Variants in CNTNAP2 observed in about 807,000 individuals in gnomAD.
CNTNAP2 encodes contactin associated protein 2.
Under a neutral mutation model 155.2 loss-of-function variants are expected in CNTNAP2, and 98 were observed. The observed-to-expected ratio is 0.63, with a 90% CI of 0.54 to 0.75. The LOEUF (loss-of-function observed/expected upper bound fraction) is 0.75. CNTNAP2 is among the 30% of genes least tolerant of loss of function. The pLI, the probability that CNTNAP2 is intolerant of heterozygous loss-of-function variation, is 0.00. For missense variants in CNTNAP2, 1,727 were observed against 1,688.1 expected, an observed-to-expected ratio of 1.02 and a Z score of -0.40; for synonymous variants, 651 against 631.2, an observed-to-expected ratio of 1.03 and a Z score of -0.47.
chr7:146,856,585 A>G (rs1562975248), intron 3 of CNTNAP2, among the ~76,000 whole-genome samples: 3 of 152,182 alleles, frequency 2.0e-5, no homozygotes, highest in Non-Finnish European at 4.4e-5. Flanking sequence ...CTTACAAATC[A>G]CTTATTAGTT....
intron 1 of CNTNAP2, among the ~76,000 whole-genome samples, chr7:146,771,840 TGAGA>T (rs760070894): frequency 1.3e-5 from 2 of 152,156 alleles, no homozygotes; most frequent in Non-Finnish European, 1.5e-5. Flanking sequence ...CTTATAAATT[TGAGA>T]GAGAAACATT....
intron 8 of CNTNAP2, among the ~76,000 whole-genome samples, chr7:147,136,950 A>C (rs1801493405): frequency 6.6e-6 from 1 of 151,896 alleles, no homozygotes; most frequent in South Asian, 2.1e-4. Flanking sequence ...TTGTTTTATT[A>C]TGTTTTACAG....
At chr7:146,929,803 A>C (rs1363725004) in intron 3 of CNTNAP2, among the ~76,000 whole-genome samples, 1 of 152,262 alleles carries the variant, frequency 6.6e-6, no homozygotes, top group African/African-American at 2.4e-5. Context: ...CAGAAGCCTC[A>C]GGAGCCAATG....
At chr7:148,311,532 GATC>G (rs1217495741) in intron 21 of CNTNAP2, among the ~76,000 whole-genome samples, 1 of 152,146 alleles carries the variant, frequency 6.6e-6, no homozygotes, top group Non-Finnish European at 1.5e-5. Flanking sequence ...TGCCAGCAAA[GATC>G]ATCTATCCAC....
chr7:148,223,980 A>T (rs906686812), intron 19 of CNTNAP2, among the ~76,000 whole-genome samples: 11 of 152,092 alleles, frequency 7.2e-5, no homozygotes, highest in African/African-American at 2.7e-4. Context: ...AGCCACACAC[A>T]TATTGCCTGA....
At chr7:147,302,534 T>A (rs1443003591) in intron 9 of CNTNAP2, among the ~76,000 whole-genome samples, 4 of 152,246 alleles carry the variant, frequency 2.6e-5, no homozygotes, top group African/African-American at 9.6e-5. Context: ...ATATCGTCAT[T>A]AGCTGAATCC....
At chr7:146,825,505 T>G (rs2129197359) in intron 2 of CNTNAP2, among the ~76,000 whole-genome samples, 1 of 152,246 alleles carries the variant, frequency 6.6e-6, no homozygotes, top group Admixed American at 6.5e-5. Context: ...CTTAAAGAAT[T>G]TGTTTACTAT....
At chr7:148,263,724 G>A (rs1404917230) in intron 20 of CNTNAP2, among the ~76,000 whole-genome samples, 1 of 145,216 alleles carries the variant, frequency 6.9e-6, no homozygotes, top group African/African-American at 2.7e-5. Context: ...GCGACAGAGC[G>A]AGACTCAGTC....
intron 1 of CNTNAP2, among the ~76,000 whole-genome samples, chr7:146,582,608 A>G (rs970252379): frequency 1.3e-5 from 2 of 152,184 alleles, no homozygotes; most frequent in African/African-American, 4.8e-5. Context: ...GGTTTTTCAC[A>G]TGGACAACTC....
chr7:147,174,123 CT>C (rs1002483512), intron 8 of CNTNAP2, among the ~76,000 whole-genome samples: 12 of 152,072 alleles, frequency 7.9e-5, no homozygotes, highest in African/African-American at 2.9e-4. Context: ...TGATAGCCTC[CT>C]TTTTCATATT....
At chr7:146,687,042 G>T (rs1260061773) in intron 1 of CNTNAP2, among the ~76,000 whole-genome samples, 1 of 152,106 alleles carries the variant, frequency 6.6e-6, no homozygotes, top group Non-Finnish European at 1.5e-5. Flanking sequence ...TCTGAGCGAG[G>T]TGCATGAGGT....
At chr7:146,380,609 A>G (rs1795367360) in intron 1 of CNTNAP2, among the ~76,000 whole-genome samples, 1 of 151,922 alleles carries the variant, frequency 6.6e-6, no homozygotes, top group African/African-American at 2.4e-5. Context: ...AAAATATTTT[A>G]AAATATTTTT....
intron 1 of CNTNAP2, among the ~76,000 whole-genome samples, chr7:146,648,478 G>A (rs1165888698): frequency 1.3e-5 from 2 of 151,968 alleles, no homozygotes; most frequent in African/African-American, 4.8e-5. Flanking sequence ...TTTATGCTGT[G>A]AAAATTTTTT....
rs570600850 is a variant in CNTNAP2 at position 146,518,129 on chromosome 7, G to A, written c.98-256142G>A. 7.9e-5 allele frequency among the ~76,000 whole-genome samples: 12 copies of A among 151,834 alleles called. No individual in the cohort carries two copies. In the Middle Eastern group the frequency reaches 0.01, roughly 129 times the overall value. On this transcript the variant is annotated intron_variant, in intron 1 of 23. Transcript: ENST00000361727. ...ATTTCAGTTCAGTTTTAATTTTTGA[G>A]TAAGAATTAGTATAATATATGAAAA... is the stretch of plus-strand genomic sequence containing the variant.
At chr7:147,148,186 C>A (rs1258341221) in intron 8 of CNTNAP2, among the ~76,000 whole-genome samples, 2 of 151,456 alleles carry the variant, frequency 1.3e-5, no homozygotes, top group Non-Finnish European at 2.9e-5. Flanking sequence ...GTCAGGAGAT[C>A]GAGACCATCC....
chr7:147,201,939 A>G (rs1802930138), intron 8 of CNTNAP2, among the ~76,000 whole-genome samples: 2 of 152,220 alleles, frequency 1.3e-5, no homozygotes, highest in Admixed American at 1.3e-4. Context: ...AAATGCAAAA[A>G]GACAAGCAAA....
chr7:146,723,772 T>C lies in CNTNAP2; in HGVS notation c.98-50499T>C, dbSNP rs143290250. ...TAAATAAGAGAAGACATTATGAAAG[T>C]TGGTTCTCTATGAAATAATAACCAG... On this transcript the variant is annotated intron_variant, in intron 1 of 23. Coordinates refer to ENST00000361727, the MANE Select transcript of CNTNAP2 (RefSeq NM_014141.6). 5.1e-3 allele frequency among the ~76,000 whole-genome samples: 770 copies of C among 152,342 alleles called. 4 individuals carry two copies. Among genetic ancestry groups the C allele is most frequent in the African/African-American group, 0.017 (716 of 41,586 alleles).
chr7:147,088,501 T>C (rs1368754131), intron 4 of CNTNAP2, among the ~76,000 whole-genome samples: 1 of 152,196 alleles, frequency 6.6e-6, no homozygotes, highest in Non-Finnish European at 1.5e-5. Flanking sequence ...AACTATATTA[T>C]TTACAAGACA....
At chr7:146,687,337 T>C (rs2129170941) in intron 1 of CNTNAP2, among the ~76,000 whole-genome samples, 1 of 152,248 alleles carries the variant, frequency 6.6e-6, no homozygotes, top group Non-Finnish European at 1.5e-5. Flanking sequence ...AGTTTCCTAA[T>C]ACACAGAAAG....
Sources: gnomAD v4.1 joint callset for allele counts (sites outside exome capture counted in the v4.1 genomes callset) on GRCh38, gnomAD v4.1.1 for gene constraint, MANE v1.5 for transcripts, NCBI Gene and HGNC (gene_info 2026-07-23, HGNC 2026-07-21) for gene names.